PAPPA: variants seen among roughly 807,000 people sequenced by gnomAD.
PAPPA encodes the protein pappalysin-1.
PAPPA carries 60 observed loss-of-function variants against 164.0 expected under a neutral mutation model. The observed-to-expected ratio is 0.37, with a 90% confidence interval of 0.30 to 0.45. PAPPA has a LOEUF of 0.45. PAPPA is among the 20% of genes least tolerant of loss of function. The pLI is 1.00. For synonymous variants in PAPPA, 875 were observed against 814.1 expected (o/e 1.07, Z -1.27); for missense variants, 1,782 against 2,087.3 (o/e 0.85, Z 2.85).
chr9:116,352,685 C>A, intron 15 of PAPPA, 21 bp from the exon 16 acceptor site: 1 of 1,602,572 alleles, frequency 6.2e-7, no homozygotes, highest in South Asian at 1.1e-5. Context: ...TCCTCTAACC[C>A]TGCTTGCCTA....
intron 6 of PAPPA, among the ~76,000 whole-genome samples, chr9:116,232,536 A>T (rs968617605): frequency 1.3e-5 from 2 of 152,176 alleles, no homozygotes; most frequent in Non-Finnish European, 2.9e-5. Flanking sequence ...CCTGCCAGGG[A>T]ATTTCTGAAC....
At chr9:116,371,169 C>A (rs1846567978) in intron 19 of PAPPA, among the ~76,000 whole-genome samples, 1 of 130,908 alleles carries the variant, frequency 7.6e-6, no homozygotes, top group South Asian at 2.3e-4. Flanking sequence ...GTAATCCCAG[C>A]ACATTGTGAG....
chr9:116,345,436 G>GAAA (rs55953344), intron 14 of PAPPA, among the ~76,000 whole-genome samples: 1 of 143,140 alleles, frequency 7.0e-6, no homozygotes, highest in Non-Finnish European at 1.5e-5. Flanking sequence ...ACATTGATGA[G>GAAA]AAAAAAAAAA....
At chr9:116,258,581 G>A (rs1844961459) in intron 7 of PAPPA, among the ~76,000 whole-genome samples, 1 of 152,052 alleles carries the variant, frequency 6.6e-6, no homozygotes, top group African/African-American at 2.4e-5. Flanking sequence ...CCTTGAACCC[G>A]GGAGGCGGAG....
intron 6 of PAPPA, among the ~76,000 whole-genome samples, chr9:116,234,040 A>AT (rs928433834): frequency 2.6e-5 from 4 of 151,384 alleles, no homozygotes; most frequent in East Asian, 1.9e-4. Flanking sequence ...CTGTCTCTTA[A>AT]TTTTTTTTTA....
intron 2 of PAPPA, among the ~76,000 whole-genome samples, chr9:116,206,743 A>C (rs1224813785): frequency 1.3e-5 from 2 of 152,150 alleles, no homozygotes; most frequent in East Asian, 3.9e-4. Flanking sequence ...GAGATGTTAA[A>C]AGGGGTGCAG....
chr9:116,217,573 G>T (rs967731060), intron 4 of PAPPA, among the ~76,000 whole-genome samples: 11 of 152,100 alleles, frequency 7.2e-5, no homozygotes, highest in African/African-American at 2.7e-4. Context: ...AGATCAAAGA[G>T]AATGCATATT....
At chr9:116,352,512 C>T (rs1846295940) in intron 15 of PAPPA, among the ~76,000 whole-genome samples, 194 bp from the exon 16 acceptor site, 2 of 152,156 alleles carry the variant, frequency 1.3e-5, no homozygotes, top group African/African-American at 2.4e-5. Flanking sequence ...ATTCACTCCC[C>T]CCATTTAGAT....
intron 8 of PAPPA, among the ~76,000 whole-genome samples, chr9:116,269,661 A>G (rs114600546): frequency 0.014 from 2,080 of 152,290 alleles, 46 homozygotes; most frequent in African/African-American, 0.048. Context: ...AGATATTTGT[A>G]GTGACCCGAA....
intron 2 of PAPPA, among the ~76,000 whole-genome samples, chr9:116,193,876 T>G (rs777762509): frequency 2.0e-5 from 3 of 152,120 alleles, no homozygotes; most frequent in Non-Finnish European, 4.4e-5. Context: ...CCATGAGCTC[T>G]GAGAAAGGGC....
At chr9:116,326,688 T>C (rs1050911855) in intron 10 of PAPPA, among the ~76,000 whole-genome samples, 1 of 152,238 alleles carries the variant, frequency 6.6e-6, no homozygotes, top group African/African-American at 2.4e-5. Flanking sequence ...CTAGAACTTA[T>C]TCATCTTGCT....
At chr9:116,364,593 A>C (rs1288245934) in intron 18 of PAPPA, among the ~76,000 whole-genome samples, 1 of 152,188 alleles carries the variant, frequency 6.6e-6, no homozygotes, top group South Asian at 2.1e-4. Context: ...ATACTTCAAC[A>C]AACACAAACA....
chr9:116,196,225 G>A (rs543073205), intron 2 of PAPPA, among the ~76,000 whole-genome samples: 1 of 152,200 alleles, frequency 6.6e-6, no homozygotes, highest in African/African-American at 2.4e-5. Context: ...AGGATCTGAG[G>A]TCCTCCTTCT....
chr9:116,285,254 C>T (rs770723472), intron 9 of PAPPA, among the ~76,000 whole-genome samples: 18 of 135,914 alleles, frequency 1.3e-4, no homozygotes, highest in African/African-American at 4.9e-4. Context: ...ACTGCAACCT[C>T]CACCTCCTGG....
intron 1 of PAPPA, among the ~76,000 whole-genome samples, chr9:116,162,462 G>A (rs904546686): frequency 6.6e-6 from 1 of 152,196 alleles, no homozygotes; most frequent in African/African-American, 2.4e-5. Context: ...ACCTGCAGGA[G>A]CATATGTTTA....
At chr9:116,222,165 C>A (rs950717077) in intron 5 of PAPPA, among the ~76,000 whole-genome samples, 2 of 152,184 alleles carry the variant, frequency 1.3e-5, no homozygotes, top group Admixed American at 6.5e-5. Flanking sequence ...GAGATTGCTA[C>A]ACTCCCATGT....
chr9:116,196,366 C>T (rs551625285), intron 2 of PAPPA, among the ~76,000 whole-genome samples: 14 of 152,162 alleles, frequency 9.2e-5, no homozygotes, highest in Non-Finnish European at 2.1e-4. Flanking sequence ...TTGGCATGCT[C>T]AGCACTCTCA....
intron 4 of PAPPA, among the ~76,000 whole-genome samples, chr9:116,215,737 C>G (rs1461957950): frequency 6.6e-6 from 1 of 152,128 alleles, no homozygotes; most frequent in African/African-American, 2.4e-5. Context: ...TACTCCTGAA[C>G]TTAAAATGAA....
intron 10 of PAPPA, among the ~76,000 whole-genome samples, chr9:116,309,486 G>T (rs935052739): frequency 6.6e-6 from 1 of 152,116 alleles, no homozygotes; most frequent in South Asian, 2.1e-4. Context: ...TACCCACTAG[G>T]GTATTGTATG....
Sources: gnomAD v4.1 joint callset for allele counts (sites outside exome capture counted in the v4.1 genomes callset) on GRCh38, gnomAD v4.1.1 for gene constraint, MANE v1.5 for transcripts, NCBI Gene and HGNC (gene_info 2026-07-23, HGNC 2026-07-21) for gene names.